POLE4: variants seen among roughly 807,000 people sequenced by gnomAD.
The protein encoded by POLE4 is DNA polymerase epsilon subunit 4.
In POLE4, 15 loss-of-function variants were observed where a neutral mutation model predicts 15.6. The observed-to-expected ratio is 0.96, with a 90% CI of 0.64 to 1.48. The LOEUF is 1.48. Among genes scored for constraint, POLE4 ranks in the 40% most tolerant of loss-of-function variants. The pLI is 0.00. For missense variants in POLE4, 205 were observed against 151.9 expected (o/e 1.35, Z -1.84); for synonymous variants, 83 against 63.2 (o/e 1.31, Z -1.49).
rs1558829796 is a variant in POLE4, at chr2:74,969,571, A to C, written c.*149A>C. The stretch of plus-strand genomic sequence containing the variant: ...CTATGCCGGGATAAGCAGAGATCTC[A>C]TCAATTAGCTCTTCTCTGCAAGGTC... On this transcript the variant is annotated 3_prime_UTR_variant, in exon 4 of 4. Coordinates refer to ENST00000483063, the MANE Select transcript of POLE4 (RefSeq NM_019896.4). The C allele has an allele frequency of 1.3e-6, 1 of 764,696 alleles. No individual in the cohort carries two copies. Among genetic ancestry groups the C allele is most frequent in the East Asian group, 2.4e-5 (1 of 40,926 alleles). 47.4% of individuals were successfully genotyped at this position (764,696 alleles called of 1,614,324 possible).
chr2:74,969,358 A>C, intron 3 of POLE4, 51 bp from the exon 4 acceptor site: 1 of 1,582,082 alleles, frequency 6.3e-7, no homozygotes, highest in South Asian at 1.1e-5. Context: ...TTGTTACACT[A>C]ATCCAGCTTC....
chr2:74,958,863 G>A lies in POLE4; in HGVS notation c.184G>A (p.Glu62Lys). Residue 62 changes from glutamate to lysine, a missense_variant, in exon 1 of 4, where the codon GAA becomes AAA. By Grantham distance (56) the Glu-to-Lys change is moderately conservative. Coordinates refer to ENST00000483063, the MANE Select transcript of POLE4 (RefSeq NM_019896.4). ...ADPDVTLAGQ[E>K]AIFILARAAE... ...TCCCGACGTGACGCTAGCGGGACAG[G>A]AAGCCATCTTCATTCTGGCACGAGC... 1.9e-6 allele frequency: 3 copies of A among 1,560,920 alleles called. No individual in the cohort carries two copies. The highest frequency in any genetic ancestry group is 2.4e-5 in the South Asian group (2 of 84,824).
At chr2:74,964,161 C>G (rs1671265048) in intron 3 of POLE4, among the ~76,000 whole-genome samples, 1 of 152,180 alleles carries the variant, frequency 6.6e-6, no homozygotes, top group Admixed American at 6.5e-5. Flanking sequence ...AAGGCTGTTT[C>G]TGGCCTTTCT....
chr2:74,960,311 A>G (rs1014225759), intron 3 of POLE4, 165 bp downstream of exon 3: 2 of 640,618 alleles, frequency 3.1e-6, no homozygotes, highest in African/African-American at 3.6e-5. Context: ...AGTGAGGTTC[A>G]GTTTTCTCCC....
chr2:74,963,858 C>T (rs75670880), intron 3 of POLE4, among the ~76,000 whole-genome samples: 3,175 of 152,170 alleles, frequency 0.021, 139 homozygotes, highest in Admixed American at 0.095. Flanking sequence ...CCTTTTCACT[C>T]CTTAAAAGGT....
chr2:74,960,814 G>A (rs13421116), intron 3 of POLE4, among the ~76,000 whole-genome samples: 108 of 152,266 alleles, frequency 7.1e-4, no homozygotes, highest in African/African-American at 2.4e-3. Flanking sequence ...TTATAATGGA[G>A]CTGAAAAATT....
rs776068883 is a variant in POLE4 at position 74,960,096 on chromosome 2, G to A, written c.299-9G>A. 3.1e-6 allele frequency: 5 copies of A among 1,613,210 alleles called. No individual in the cohort carries two copies. Among genetic ancestry groups the A allele is most frequent in the Non-Finnish European group, 4.2e-6 (5 of 1,179,366 alleles). On this transcript the variant is annotated splice_polypyrimidine_tract_variant and intron_variant, in intron 2 of 3. Transcript: ENST00000483063. ...AGTTAGTCAGGTGTCTCTTTTCCTT[G>A]TGTTTCAGATAATGCAATAGAAGCT... is the stretch of plus-strand genomic sequence containing the variant.
At chr2:74,962,521 G>A (rs1206892127) in intron 3 of POLE4, among the ~76,000 whole-genome samples, 1 of 152,044 alleles carries the variant, frequency 6.6e-6, no homozygotes, top group Non-Finnish European at 1.5e-5. Context: ...TCCCCTCCCT[G>A]CAAACAACTG....
At chr2:74,968,443 G>T (rs1671323692) in intron 3 of POLE4, among the ~76,000 whole-genome samples, 1 of 152,030 alleles carries the variant, frequency 6.6e-6, no homozygotes, top group Non-Finnish European at 1.5e-5. Flanking sequence ...TGGGATGAGG[G>T]GGTGGTTGTT....
intron 3 of POLE4, among the ~76,000 whole-genome samples, chr2:74,964,600 T>C (rs1671270676): frequency 6.6e-6 from 1 of 152,170 alleles, no homozygotes; most frequent in Admixed American, 6.5e-5. Flanking sequence ...AAGAAAATTT[T>C]ATTTTCTAAA....
chr2:74,967,315 TTTTTTTTG>T (rs1480336473), intron 3 of POLE4, among the ~76,000 whole-genome samples: 1 of 147,560 alleles, frequency 6.8e-6, no homozygotes, highest in East Asian at 1.9e-4. Context: ...CTTTAAACTA[TTTTTTTTG>T]TTTTTTTTTT....
rs1030734033 is a variant in POLE4 at position 74,959,518 on chromosome 2, A to G, written c.298+93A>G. On this transcript the variant is annotated intron_variant, in intron 2 of 3. Transcript: ENST00000483063. ...TGAGAAGACGTCACTCTGATCTGAG[A>G]GGTGCCACAGCGTCTCTCCCCAGGA... The G allele has an allele frequency of 7.8e-6, 6 of 768,804 alleles. No homozygotes were observed. The South Asian group carries it at 9.8e-5, about 13-fold the overall frequency. 47.6% of individuals were successfully genotyped at this position (768,804 alleles called of 1,614,324 possible).
chr2:74,959,942 G>T (rs553927825), intron 2 of POLE4, among the ~76,000 whole-genome samples, 163 bp from the exon 3 acceptor site: 1 of 152,314 alleles, frequency 6.6e-6, no homozygotes, highest in East Asian at 1.9e-4. Flanking sequence ...ATATATAAGA[G>T]TTGCTGGTAG....
In POLE4 at chr2:74,959,003, G is replaced by A. The variant is rs1671171418; in HGVS notation, c.213+111G>A. On this transcript the variant is annotated intron_variant, in intron 1 of 3. Transcript: ENST00000483063. ...GGCGGCGTGGCCCGGGTTTTGAGAT[G>A]TGGGCGTGGACCCGGAAGGCGGAGG... 4.0e-6 allele frequency: 4 copies of A among 995,330 alleles called. No individual in the cohort carries two copies. In the South Asian group the frequency reaches 6.5e-5, roughly 16 times the overall value. 61.7% of individuals were successfully genotyped at this position (995,330 alleles called of 1,614,324 possible). A position where few individuals can be genotyped will look rare whatever the true frequency, so the allele number is the denominator to read the frequency against.
At chr2:74,959,289 C>A in intron 1 of POLE4, 52 bp from the exon 2 acceptor site, 1 of 1,215,240 alleles carries the variant, frequency 8.2e-7, no homozygotes, top group Non-Finnish European at 1.2e-6. Flanking sequence ...GAGCCCTCAC[C>A]TCCTCAGTGT....
chr2:74,958,923 T>A (rs1180296042), intron 1 of POLE4, 31 bp downstream of exon 1: 2 of 1,500,256 alleles, frequency 1.3e-6, no homozygotes, highest in Non-Finnish European at 1.8e-6. Context: ...CATGCGGGAG[T>A]GGGGGAGGTG....
At chr2:74,959,699 C>T (rs1671187703) in intron 2 of POLE4, 3 of 422,620 alleles carry the variant, frequency 7.1e-6, no homozygotes, top group African/African-American at 4.0e-5. Context: ...ATTTCTTTTT[C>T]ACCTAGCAAC....
Position 74,959,442 on chromosome 2 carries a change from G to C in POLE4, c.298+17G>C, listed in dbSNP as rs751272599. 1 of 1,546,088 alleles carries C rather than the reference G, an allele frequency of 6.5e-7. No homozygotes were observed. The highest frequency in any genetic ancestry group is 8.9e-7 in the Non-Finnish European group (1 of 1,118,634). On this transcript the variant is annotated intron_variant, in intron 2 of 3. Coordinates refer to ENST00000483063, the MANE Select transcript of POLE4 (RefSeq NM_019896.4). ...GAGACTTGGGTAGAGTGGCACTGCA[G>C]TGTCTGGGGACAGACAAGGGAGGGC...
intron 3 of POLE4, chr2:74,961,601 A>G (rs1671221372): frequency 1.3e-5 from 2 of 152,326 alleles, no homozygotes; most frequent in South Asian, 2.1e-4. Context: ...GCCCTGGGGA[A>G]AATAAACTGG....
Sources: gnomAD v4.1 joint callset for allele counts (sites outside exome capture counted in the v4.1 genomes callset) on GRCh38, gnomAD v4.1.1 for gene constraint, MANE v1.5 for transcripts, NCBI Gene and HGNC (gene_info 2026-07-23, HGNC 2026-07-21) for gene names.